The following AKAP13 variants were observed in gnomAD, a reference collection of about 807,000 sequenced individuals.
AKAP13 encodes the protein A-kinase anchor protein 13.
In AKAP13, 80 loss-of-function variants were observed where a neutral mutation model predicts 264.5. That is an observed-to-expected ratio of 0.30 (90% CI 0.25 to 0.36). The LOEUF is 0.36. Among genes scored for constraint, AKAP13 ranks in the 10% least tolerant of loss-of-function variants. AKAP13 has a pLI of 1.00. For synonymous variants in AKAP13, 1,380 were observed against 1,250.2 expected (o/e 1.10, Z -2.19); for missense variants, 3,712 against 3,435.2 (o/e 1.08, Z -2.01).
At chr15:85,518,513 A>AAAAC (rs746902529) in intron 2 of AKAP13, among the ~76,000 whole-genome samples, 5 of 152,186 alleles carry the variant, frequency 3.3e-5, no homozygotes, top group South Asian at 4.1e-4. Context: ...CTTAATATTA[A>AAAAC]AAACAAACAA....
intron 17 of AKAP13, among the ~76,000 whole-genome samples, chr15:85,704,739 T>G (rs1417901569): frequency 6.6e-6 from 1 of 152,246 alleles, no homozygotes; most frequent in Non-Finnish European, 1.5e-5. Context: ...TTTCTGATCT[T>G]CATAACAACA....
chr15:85,744,046 T>C (rs1334092907), intron 36 of AKAP13: 2 of 563,142 alleles, frequency 3.6e-6, no homozygotes, highest in Non-Finnish European at 6.2e-6. Flanking sequence ...AGAGCATGGG[T>C]TTCATTTTCA....
chr15:85,462,355 A>G (rs2074550675), intron 1 of AKAP13, among the ~76,000 whole-genome samples: 1 of 152,208 alleles, frequency 6.6e-6, no homozygotes, highest in Non-Finnish European at 1.5e-5. Flanking sequence ...GGGCATCCAC[A>G]CTAATGCTTA....
chr15:85,687,112 A>G (rs1298838994), intron 16 of AKAP13, among the ~76,000 whole-genome samples: 1 of 152,278 alleles, frequency 6.6e-6, no homozygotes, highest in Non-Finnish European at 1.5e-5. Flanking sequence ...ACAACGTAAG[A>G]TGGAATTTAG....
At chr15:85,483,844 C>CT (rs2075435374) in intron 1 of AKAP13, among the ~76,000 whole-genome samples, 1 of 151,988 alleles carries the variant, frequency 6.6e-6, no homozygotes, top group African/African-American at 2.4e-5. Context: ...ATGAAATTTT[C>CT]TTTTTTTGCA....
Position 85,514,016 on chromosome 15 carries a change from CT to C in AKAP13, c.34-7403del, listed in dbSNP as rs928834990. On this transcript the variant is annotated intron_variant, in intron 2 of 36. Transcript: ENST00000394518. ...GGCAGATTTCGCTGAATGAATTCTC[CT>C]TTTTTTTTCTTTCTTATAACTAATA... 7.4e-5 allele frequency among the ~76,000 whole-genome samples: 10 copies of C among 135,812 alleles called. 3 individuals carry two copies. Among genetic ancestry groups the C allele is most frequent in the African/African-American group, 3.0e-4 (10 of 33,530 alleles). 89.1% of individuals were successfully genotyped at this position (135,812 alleles called of 152,430 possible).
At chr15:85,517,742 G>A (rs528387232) in intron 2 of AKAP13, among the ~76,000 whole-genome samples, 6 of 152,064 alleles carry the variant, frequency 3.9e-5, no homozygotes, top group East Asian at 1.9e-4. Context: ...ATATGGGGGT[G>A]GGGGGAGCTA....
At chr15:85,456,623 C>T (rs12148758) in intron 1 of AKAP13, among the ~76,000 whole-genome samples, 37,269 of 148,572 alleles carry the variant, frequency 0.25, 6,213 homozygotes, top group Middle Eastern at 0.37. Flanking sequence ...AATCTTGGCT[C>T]ACTGCAAACT....
intron 15 of AKAP13, chr15:85,683,500 G>A (rs1005911584): frequency 1.3e-5 from 2 of 152,234 alleles, no homozygotes; most frequent in African/African-American, 4.8e-5. Context: ...GAGTCCCACT[G>A]TGTCACCCAG....
intron 5 of AKAP13, 168 bp downstream of exon 5, chr15:85,544,123 T>G: frequency 5.0e-6 from 4 of 797,462 alleles, no homozygotes; most frequent in Non-Finnish European, 8.5e-6. Context: ...TGCTAACCAC[T>G]TCATTGTCTG....
rs199780141 is a variant in AKAP13 at position 85,585,822 on chromosome 15, C to T, written c.4160C>T (p.Ala1387Val). Reference sequence around the variant, plus strand: ...ATGAAGCAAGGCCCAATGACCCAGGCGGTAAGTGGCATCAGTAAGTCTATA... The same window carrying T: ...ATGAAGCAAGGCCCAATGACCCAGGTGGTAAGTGGCATCAGTAAGTCTATA... Reference protein sequence around the residue: ...LKMKQGPMTQAINRENWCTIE... With the variant: ...LKMKQGPMTQVINRENWCTIE... Residue 1387 changes from alanine (A) to valine (V), a missense_variant and splice_region_variant, in exon 8 of 37, where the codon GCG (alanine) becomes GTG (valine). By Grantham distance (64) the Ala-to-Val change is moderately conservative (BLOSUM62 0). Around this residue, in one of 3 missense-constraint regions of AKAP13, gnomAD observed 2,759 missense variants for 2,411.7 expected, o/e 1.14. Coordinates refer to ENST00000394518, the MANE Select transcript of AKAP13 (RefSeq NM_007200.5). The T allele has an allele frequency of 1.7e-5, 28 of 1,613,764 alleles. No individual in the cohort carries two copies. The highest frequency in any genetic ancestry group is 1.6e-4 in the Middle Eastern group (1 of 6,082).
chr15:85,615,261 G>C (rs773678787), intron 8 of AKAP13, among the ~76,000 whole-genome samples: 1 of 152,334 alleles, frequency 6.6e-6, no homozygotes, highest in African/African-American at 2.4e-5. Context: ...GTTGGCTACT[G>C]CTTGCTACTA....
chr15:85,436,621 C>G (rs1286263845), intron 1 of AKAP13, among the ~76,000 whole-genome samples: 10 of 144,890 alleles, frequency 6.9e-5, no homozygotes, highest in African/African-American at 2.5e-4. Context: ...AACTATCTCT[C>G]AGACCACAGT....
At chr15:85,675,863 T>TC (rs1202136289) in intron 14 of AKAP13, among the ~76,000 whole-genome samples, 2 of 152,094 alleles carry the variant, frequency 1.3e-5, no homozygotes, top group African/African-American at 4.8e-5. Flanking sequence ...ATTAGAACAC[T>TC]TCAGGCTGAC....
chr15:85,587,932 G>A (rs1041408377), intron 8 of AKAP13, among the ~76,000 whole-genome samples: 2 of 152,120 alleles, frequency 1.3e-5, no homozygotes, highest in African/African-American at 4.8e-5. Context: ...ACAGGCGTGA[G>A]CCTGTGCACC....
At chr15:85,419,067 C>A (rs549836750) in intron 1 of AKAP13, among the ~76,000 whole-genome samples, 1 of 152,260 alleles carries the variant, frequency 6.6e-6, no homozygotes, top group African/African-American at 2.4e-5. Context: ...TTAATTAGAA[C>A]CATTATTTCC....
chr15:85,646,830 C>G lies in AKAP13; in HGVS notation c.4374+876C>G, dbSNP rs564770734. The stretch of plus-strand genomic sequence containing the variant: ...GGAGGTGGGGAATGGGGGTAGTTTG[C>G]TTTCTTTTGCTTATATTTGTTTCTA... On this transcript the variant is annotated intron_variant, in intron 10 of 36. Coordinates refer to ENST00000394518, the MANE Select transcript of AKAP13 (RefSeq NM_007200.5). Among the ~76,000 whole-genome samples the G allele has an allele frequency of 2.0e-5, 3 of 152,228 alleles. No homozygotes were observed. In the South Asian group the frequency reaches 6.2e-4, roughly 32 times the overall value.
At chr15:85,657,162 G>A (rs28440855) in intron 11 of AKAP13, among the ~76,000 whole-genome samples, 13 of 63,468 alleles carry the variant, frequency 2.0e-4, no homozygotes, top group Admixed American at 1.1e-3. Flanking sequence ...AATAATAATA[G>A]TAGTAATAAT....
chr15:85,419,484 A>G (rs1004208564), intron 1 of AKAP13, among the ~76,000 whole-genome samples: 7 of 152,200 alleles, frequency 4.6e-5, no homozygotes, highest in South Asian at 4.1e-4. Flanking sequence ...TGACCCGGAT[A>G]TTTTTATGTA....
Sources: allele counts gnomAD v4.1 joint callset (sites outside exome capture counted in the v4.1 genomes callset), GRCh38; gene constraint gnomAD v4.1.1; regional missense constraint gnomAD v4.1.1; transcripts MANE v1.5; gene names NCBI Gene and HGNC (gene_info 2026-07-23, HGNC 2026-07-21).